PUDP: variants seen among roughly 807,000 people sequenced by gnomAD.
PUDP encodes the protein pseudouridine 5'-phosphatase, also known as pseudouridine-5'-phosphatase.
Under a neutral mutation model 9.4 loss-of-function variants are expected in PUDP, and 8 were observed. That is an observed-to-expected ratio of 0.85 (90% CI 0.50 to 1.53). The LOEUF (loss-of-function observed/expected upper bound fraction) is 1.53. Ranked by LOEUF, PUDP falls within the 40% of genes most tolerant of loss-of-function variation. The pLI is 0.00. For synonymous variants in PUDP, 99 were observed against 80.7 expected, an observed-to-expected ratio of 1.23 and a Z score of -1.22; for missense variants, 188 against 189.7, an observed-to-expected ratio of 0.99 and a Z score of 0.05.
At chrX:6,716,403 A>T (rs1924600366) in intron 1 of PUDP, among the ~76,000 whole-genome samples, 2 of 111,981 alleles carry the variant, frequency 1.8e-5, no homozygotes, top group African/African-American at 6.5e-5. Flanking sequence ...TGGTACTGAC[A>T]GCTACAACGA....
chrX:6,853,159 A>T (rs1312114220), intron 3 of PUDP, among the ~76,000 whole-genome samples: 3 of 111,700 alleles, frequency 2.7e-5, no homozygotes, highest in Non-Finnish European at 3.8e-5. Flanking sequence ...TTATCTATGC[A>T]GCTGTCGGCA....
At chrX:6,902,048 AT>A (rs35530011) in intron 3 of PUDP, among the ~76,000 whole-genome samples, 1 of 109,226 alleles carries the variant, frequency 9.2e-6, no homozygotes, top group Non-Finnish European at 1.9e-5. Context: ...TCATTTTAAA[AT>A]TTTTTTGTAA....
chrX:7,073,288 T>G (rs1930799571), intron 3 of PUDP, among the ~76,000 whole-genome samples: 1 of 112,325 alleles, frequency 8.9e-6, no homozygotes, highest in South Asian at 3.7e-4. Flanking sequence ...TAATGTCAGC[T>G]CTGTTGGACA....
intron 1 of PUDP, among the ~76,000 whole-genome samples, chrX:6,991,385 AT>A (rs1336674850): frequency 1.8e-5 from 2 of 111,168 alleles, no homozygotes; most frequent in Non-Finnish European, 3.8e-5. Context: ...CTTTAAAAAA[AT>A]TTTTTTTAAA....
chrX:6,956,242 G>A (rs1928625389), intron 3 of PUDP, among the ~76,000 whole-genome samples: 1 of 110,829 alleles, frequency 9.0e-6, no homozygotes, highest in Admixed American at 9.6e-5. Context: ...GTAGAGACGG[G>A]GTTTCACTGT....
chrX:7,099,293 T>C lies in PUDP; in HGVS notation c.280+6327A>G, dbSNP rs1325853624. Among the ~76,000 whole-genome samples the C allele has an allele frequency of 4.4e-5, 5 of 112,552 alleles. No homozygotes were observed. In the Admixed American group the frequency reaches 4.7e-4, roughly 11 times the overall value. ...AAACAAGATTTTCTGATATCCTAAG[T>C]GAAGATTTTTTTTAAGTAATGTGAC... On this transcript the variant is annotated intron_variant, in intron 2 of 3. Transcript: ENST00000381077.
intron 3 of PUDP, among the ~76,000 whole-genome samples, chrX:6,956,726 G>A (rs1928634243): frequency 8.9e-6 from 1 of 112,060 alleles, no homozygotes; most frequent in Non-Finnish European, 1.9e-5. Flanking sequence ...GACCAAGACT[G>A]AATTTTATCC....
Position 6,719,766 on chromosome X carries a change from C to T in PUDP, n.128+1651G>A, listed in dbSNP as rs149879115. ...TGAGTTGTCTAGTGTATTAGGTGCA[C>T]GCCCAATCCACAGTCAATAATTTTC... is the stretch of plus-strand genomic sequence containing the variant. On this transcript the variant is annotated intron_variant and non_coding_transcript_variant, in intron 1 of 2. Coordinates refer to the PUDP transcript ENST00000438499. Among the ~76,000 whole-genome samples the T allele has an allele frequency of 8.8e-3, 979 of 111,775 alleles. 6 individuals carry two copies. Among genetic ancestry groups the T allele is most frequent in the African/African-American group, 0.03 (933 of 30,745 alleles).
chrX:6,856,008 C>A (rs141475502), intron 3 of PUDP, among the ~76,000 whole-genome samples: 1,812 of 111,359 alleles, frequency 0.016, 32 homozygotes, highest in African/African-American at 0.057. Context: ...CTAAGGGGAA[C>A]TGAGCTCAGA....
intron 2 of PUDP, among the ~76,000 whole-genome samples, chrX:7,102,219 C>T (rs1369056042): frequency 9.3e-6 from 1 of 107,033 alleles, no homozygotes; most frequent in African/African-American, 3.4e-5. Flanking sequence ...AACAATTCCA[C>T]AGCAAATTGA....
At chrX:7,101,894 C>G (rs1018608270) in intron 2 of PUDP, among the ~76,000 whole-genome samples, 1 of 111,897 alleles carries the variant, frequency 8.9e-6, no homozygotes, top group Non-Finnish European at 1.9e-5. Flanking sequence ...CCTTTGACAA[C>G]AAATTGGATA....
chrX:6,710,281 T>C (rs1569085467), intron 1 of PUDP, among the ~76,000 whole-genome samples: 2 of 112,209 alleles, frequency 1.8e-5, no homozygotes, highest in Admixed American at 9.5e-5. Flanking sequence ...CAAGACAGAC[T>C]CAGCTGCAGC....
chrX:6,714,017 G>A (rs1924566212), intron 1 of PUDP, among the ~76,000 whole-genome samples: 2 of 110,532 alleles, frequency 1.8e-5, no homozygotes, highest in African/African-American at 3.3e-5. Context: ...CTAGCTTCTC[G>A]AGTAACTGGG....
At chrX:6,875,538 C>G (rs926926341) in intron 3 of PUDP, among the ~76,000 whole-genome samples, 6 of 111,463 alleles carry the variant, frequency 5.4e-5, no homozygotes, top group African/African-American at 2.0e-4. Context: ...TCCAGACCAA[C>G]GTTAACAAAA....
intron 3 of PUDP, among the ~76,000 whole-genome samples, chrX:6,796,748 A>G (rs749674911): frequency 2.5e-3 from 285 of 112,118 alleles, no homozygotes; most frequent in African/African-American, 9.0e-3. Flanking sequence ...AGGCTAAGAG[A>G]GAGACGTGTA....
intron 1 of PUDP, among the ~76,000 whole-genome samples, chrX:7,147,285 C>T (rs1360529174): frequency 9.0e-6 from 1 of 111,319 alleles, no homozygotes; most frequent in African/African-American, 3.3e-5. Context: ...AGGTGATGTC[C>T]CCGGTGCTGG....
intron 3 of PUDP, among the ~76,000 whole-genome samples, chrX:6,897,107 A>C (rs925842309): frequency 1.8e-5 from 2 of 111,291 alleles, no homozygotes; most frequent in African/African-American, 6.6e-5. Flanking sequence ...TAATCCTCAG[A>C]TGGCTATGGT....
At position 6,987,845 on chromosome X, in the gene PUDP, G is replaced by A. The variant is rs1310741773; in HGVS notation, c.205-9502C>T. On this transcript the variant is annotated intron_variant and NMD_transcript_variant, in intron 1 of 3. Coordinates refer to the PUDP transcript ENST00000655425. The stretch of plus-strand genomic sequence containing the variant: ...CATCAGTTAATCACCAATCACTTGG[G>A]AATAGCAATAAGCTTCCATCTGTTG... Among the ~76,000 whole-genome samples, 10 of 111,947 alleles carry A rather than the reference G, an allele frequency of 8.9e-5. No homozygotes were observed. In the Admixed American group the frequency reaches 9.5e-4, roughly 11 times the overall value.
chrX:6,750,402 TG>T (rs1430265260), intron 3 of PUDP, among the ~76,000 whole-genome samples: 29 of 111,143 alleles, frequency 2.6e-4, no homozygotes, highest in Non-Finnish European at 4.5e-4. Context: ...TGTGTGTGTG[TG>T]TCTGTGTGTG....
Sources: allele counts gnomAD v4.1 joint callset (sites outside exome capture counted in the v4.1 genomes callset), GRCh38; gene constraint gnomAD v4.1.1; transcripts MANE v1.5; gene names NCBI Gene and HGNC (gene_info 2026-07-23, HGNC 2026-07-21).